Variants in CCSER1 observed in about 807,000 individuals in gnomAD.
The protein encoded by CCSER1 is coiled-coil serine rich protein 1, also known as serine-rich coiled-coil domain-containing protein 1.
A neutral mutation model predicts 82.0 loss-of-function variants in CCSER1; 41 were observed. The observed-to-expected ratio is 0.50, with a 90% CI of 0.39 to 0.65. The LOEUF (loss-of-function observed/expected upper bound fraction) is 0.65, where lower values mean the gene tolerates loss of function less well. CCSER1 is among the 30% of genes least tolerant of loss of function. The pLI, the probability that CCSER1 is intolerant of heterozygous loss-of-function variation, is 0.00. For synonymous variants in CCSER1, 414 were observed against 383.9 expected (o/e 1.08, Z -0.92); for missense variants, 1,119 against 1,064.2 (o/e 1.05, Z -0.72).
At chr4:90,384,359 C>CA (rs1749690345) in intron 3 of CCSER1, among the ~76,000 whole-genome samples, 1 of 141,430 alleles carries the variant, frequency 7.1e-6, no homozygotes, top group African/African-American at 2.7e-5. Flanking sequence ...ATCACAAGGA[C>CA]AAAAAACAAA....
intron 8 of CCSER1, among the ~76,000 whole-genome samples, chr4:90,874,802 C>T (rs961077724): frequency 6.6e-6 from 1 of 152,110 alleles, no homozygotes; most frequent in Non-Finnish European, 1.5e-5. Flanking sequence ...AATCCCAGCA[C>T]TTTGGGAGGC....
At chr4:90,864,458 T>C (rs953752649) in intron 8 of CCSER1, among the ~76,000 whole-genome samples, 2 of 151,742 alleles carry the variant, frequency 1.3e-5, no homozygotes. Context: ...ATCTAAAGAG[T>C]AGTTTTCTTA....
intron 1 of CCSER1, among the ~76,000 whole-genome samples, chr4:90,289,879 C>G (rs147572805): frequency 1.9e-3 from 292 of 151,856 alleles, no homozygotes; most frequent in African/African-American, 6.7e-3. Context: ...CTATGTATGA[C>G]TCAATTTCAC....
At chr4:91,410,996 G>T (rs746078092) in intron 10 of CCSER1, among the ~76,000 whole-genome samples, 55 of 151,910 alleles carry the variant, frequency 3.6e-4, no homozygotes, top group South Asian at 6.2e-4. Flanking sequence ...CAACTAAAAT[G>T]ATTATAGTTA....
At chr4:91,467,153 CAG>C (rs1756962659) in intron 10 of CCSER1, among the ~76,000 whole-genome samples, 1 of 152,104 alleles carries the variant, frequency 6.6e-6, no homozygotes, top group South Asian at 2.1e-4. Context: ...GGTACCAAAA[CAG>C]AGATATAGAC....
intron 10 of CCSER1, among the ~76,000 whole-genome samples, chr4:91,323,349 T>G (rs1746322293): frequency 6.6e-6 from 1 of 152,196 alleles, no homozygotes; most frequent in Non-Finnish European, 1.5e-5. Flanking sequence ...TTAGAGGTTC[T>G]AATTCCTTAG....
chr4:90,798,915 ACT>A (rs1756402645), intron 7 of CCSER1, among the ~76,000 whole-genome samples: 1 of 152,028 alleles, frequency 6.6e-6, no homozygotes, highest in South Asian at 2.1e-4. Context: ...AGGTCACAAC[ACT>A]CTGATGGGTG....
chr4:91,394,449 G>C (rs1336983926), intron 10 of CCSER1, among the ~76,000 whole-genome samples: 1 of 151,854 alleles, frequency 6.6e-6, no homozygotes, highest in Middle Eastern at 3.2e-3. Flanking sequence ...AATTTAAGAT[G>C]GCTCTGTGTT....
chr4:90,354,193 CAGAA>C (rs1352515192), intron 3 of CCSER1, among the ~76,000 whole-genome samples: 1 of 152,022 alleles, frequency 6.6e-6, no homozygotes, highest in South Asian at 2.1e-4. Context: ...ATAAGCCAGA[CAGAA>C]AGACAGCTAC....
intron 3 of CCSER1, among the ~76,000 whole-genome samples, chr4:90,376,777 G>A (rs927798683): frequency 3.3e-5 from 5 of 152,114 alleles, no homozygotes; most frequent in Non-Finnish European, 5.9e-5. Flanking sequence ...CACTGTAGAA[G>A]GAGTTTGATG....
intron 9 of CCSER1, among the ~76,000 whole-genome samples, chr4:91,063,287 T>G (rs1370836202): frequency 1.3e-5 from 2 of 152,110 alleles, no homozygotes; most frequent in African/African-American, 2.4e-5. Context: ...TATGGGATAA[T>G]AATAATATCT....
At chr4:91,386,519 T>C (rs1240173134) in intron 10 of CCSER1, among the ~76,000 whole-genome samples, 1 of 151,832 alleles carries the variant, frequency 6.6e-6, no homozygotes, top group Non-Finnish European at 1.5e-5. Context: ...AAATCATCAC[T>C]TTGCAACCAC....
chr4:90,487,584 G>A (rs555039177), intron 5 of CCSER1, among the ~76,000 whole-genome samples: 2 of 152,302 alleles, frequency 1.3e-5, no homozygotes, highest in South Asian at 4.1e-4. Flanking sequence ...GATTCTAAAA[G>A]GGCCTCAATA....
intron 10 of CCSER1, among the ~76,000 whole-genome samples, chr4:91,463,518 A>G (rs1235620606): frequency 2.0e-5 from 3 of 152,238 alleles, no homozygotes; most frequent in Non-Finnish European, 4.4e-5. Context: ...AATGACTTTG[A>G]CGAGTTGAGA....
chr4:90,321,719 C>T (rs1272708767), intron 3 of CCSER1, among the ~76,000 whole-genome samples: 1 of 152,028 alleles, frequency 6.6e-6, no homozygotes, highest in African/African-American at 2.4e-5. Context: ...ATCCTGTTAG[C>T]ATTTGTTATT....
intron 9 of CCSER1, among the ~76,000 whole-genome samples, chr4:90,986,881 T>C (rs1036865315): frequency 1.3e-5 from 2 of 151,712 alleles, no homozygotes; most frequent in Non-Finnish European, 2.9e-5. Flanking sequence ...AAGGTAGATT[T>C]AGTCAACTTG....
intron 3 of CCSER1, among the ~76,000 whole-genome samples, chr4:90,344,954 G>A (rs1430875941): frequency 1.3e-5 from 2 of 151,860 alleles, no homozygotes; most frequent in Admixed American, 1.3e-4. Context: ...CAATTTCCTC[G>A]TAACATTCAT....
chr4:91,089,074 C>T (rs940777768), intron 10 of CCSER1, among the ~76,000 whole-genome samples: 1 of 152,238 alleles, frequency 6.6e-6, no homozygotes, highest in African/African-American at 2.4e-5. Flanking sequence ...CAGCTGAAAG[C>T]ATCAGCAGAC....
intron 9 of CCSER1, among the ~76,000 whole-genome samples, chr4:91,005,996 C>T (rs2150488965): frequency 1.3e-5 from 2 of 152,252 alleles, no homozygotes; most frequent in Middle Eastern, 6.8e-3. Context: ...ATTTTGAAAT[C>T]AGATAGCATG....
Sources: gnomAD v4.1 joint callset for allele counts (sites outside exome capture counted in the v4.1 genomes callset) on GRCh38, gnomAD v4.1.1 for gene constraint, MANE v1.5 for transcripts, NCBI Gene and HGNC (gene_info 2026-07-23, HGNC 2026-07-21) for gene names.